The following FNTA variants were observed in gnomAD, a reference collection of about 807,000 sequenced individuals.
FNTA encodes farnesyltransferase, CAAX box, subunit alpha.
FNTA carries 27 observed loss-of-function variants against 55.2 expected under a neutral mutation model. The ratio of observed to expected loss-of-function variants is 0.49; its 90% confidence interval spans 0.36 to 0.67. The LOEUF is 0.67. Ranked by LOEUF, FNTA falls within the 30% of genes least tolerant of loss-of-function variation. The probability of loss-of-function intolerance (pLI) is 0.00; values close to 1 mark genes in which losing one functional copy is unlikely to be tolerated. For synonymous variants in FNTA, 176 were observed against 170.7 expected, an observed-to-expected ratio of 1.03 and a Z score of -0.24; for missense variants, 422 against 464.7, an observed-to-expected ratio of 0.91 and a Z score of 0.85.
chr8:43,063,558 G>C (rs1032698358), intron 2 of FNTA, among the ~76,000 whole-genome samples: 1 of 152,028 alleles, frequency 6.6e-6, no homozygotes, highest in African/African-American at 2.4e-5. Context: ...ATGGGATCTC[G>C]TTTGCATAAA....
At chr8:43,060,694 T>C (rs1268150593) in intron 2 of FNTA, among the ~76,000 whole-genome samples, 1 of 138,296 alleles carries the variant, frequency 7.2e-6, no homozygotes, top group South Asian at 2.3e-4. Context: ...AAAAAAAAAA[T>C]TAACTTTGTG....
intron 3 of FNTA, among the ~76,000 whole-genome samples, chr8:43,066,763 T>C (rs1291791253): frequency 6.6e-6 from 1 of 152,162 alleles, no homozygotes; most frequent in Non-Finnish European, 1.5e-5. Context: ...GTGGCAGGAT[T>C]TGTCAGCTGA....
Position 43,072,269 on chromosome 8 carries a change from A to G in FNTA, c.595A>G (p.Asn199Asp). 6.3e-7 allele frequency: 1 copy of G among 1,594,510 alleles called. No homozygotes were observed. Among genetic ancestry groups the G allele is most frequent in the East Asian group, 2.3e-5 (1 of 43,692 alleles). The part of the protein sequence containing the change: ...IADILNQDAK[N>D]YHAWQHRQWV... ...TGATATTCTTAATCAGGATGCAAAG[A>G]ATTATCATGCCTGGCAGCATCGACA... The change falls in exon 5 of 9, where the codon AAT becomes GAT. Residue 199 changes from asparagine to aspartate, a missense_variant. Coordinates refer to ENST00000302279, the MANE Select transcript of FNTA (RefSeq NM_002027.3).
chr8:43,063,606 A>G (rs1440491388), intron 2 of FNTA, among the ~76,000 whole-genome samples: 1 of 152,206 alleles, frequency 6.6e-6, no homozygotes, highest in Non-Finnish European at 1.5e-5. Flanking sequence ...TTGTAGATGC[A>G]TAGACTATAT....
At position 43,072,539 on chromosome 8, in the gene FNTA, A is replaced by G. The variant is rs188251434; in HGVS notation, c.633+232A>G. Among the ~76,000 whole-genome samples the G allele has an allele frequency of 8.2e-4, 125 of 152,166 alleles. 1 individual carries two copies. The highest frequency in any genetic ancestry group is 2.2e-3 in the Admixed American group (34 of 15,288). On this transcript the variant is annotated intron_variant, in intron 5 of 8. Transcript: ENST00000302279. ...CCAGGAGTTTGAGATCAGCCTGGGC[A>G]ACAAAGTGAGACCCCCGTCTCTACA... is the stretch of plus-strand genomic sequence containing the variant.
intron 1 of FNTA, chr8:43,057,108 CTCTT>C (rs1265626414): frequency 5.3e-5 from 8 of 152,226 alleles, no homozygotes; most frequent in Non-Finnish European, 1.2e-4. Flanking sequence ...TACTGAACCT[CTCTT>C]AAGTCTCCCT....
chr8:43,060,107 G>T (rs1810496866), intron 2 of FNTA, among the ~76,000 whole-genome samples: 1 of 152,152 alleles, frequency 6.6e-6, no homozygotes, highest in Admixed American at 6.6e-5. Flanking sequence ...AACGTATTAG[G>T]CAAGATGTAA....
chr8:43,073,300 A>C (rs1810836718), intron 5 of FNTA, among the ~76,000 whole-genome samples: 1 of 152,226 alleles, frequency 6.6e-6, no homozygotes, highest in East Asian at 1.9e-4. Flanking sequence ...CATCTTCCAC[A>C]ATAGATTAAG....
At chr8:43,077,845 C>T (rs1810945728) in intron 6 of FNTA, 1 of 152,284 alleles carries the variant, frequency 6.6e-6, no homozygotes, top group African/African-American at 2.4e-5. Flanking sequence ...GAGAACCGCT[C>T]TATACAAAGA....
intron 4 of FNTA, among the ~76,000 whole-genome samples, chr8:43,070,703 A>G (rs942881367): frequency 7.9e-5 from 12 of 152,362 alleles, no homozygotes; most frequent in African/African-American, 2.2e-4. Context: ...GTACATTTCT[A>G]ATTATCCGCT....
intron 8 of FNTA, 92 bp from the exon 9 acceptor site, chr8:43,085,068 G>T: frequency 8.2e-7 from 1 of 1,218,238 alleles, no homozygotes; most frequent in South Asian, 1.5e-5. Flanking sequence ...GTCTTCATTT[G>T]AATGTGATTT....
At chr8:43,083,672 G>C (rs1811067689) in intron 7 of FNTA, among the ~76,000 whole-genome samples, 1 of 152,194 alleles carries the variant, frequency 6.6e-6, no homozygotes, top group Non-Finnish European at 1.5e-5. Flanking sequence ...GGTCTTCAAG[G>C]AAACTAGGCT....
In FNTA at chr8:43,059,073, G is replaced by C; in HGVS notation, c.201-19G>C. The stretch of plus-strand genomic sequence containing the variant: ...CTGTATTTGAATGTAACCACTGGTT[G>C]GGGAATGTCTGTTTTCAGGGACAGA... On this transcript the variant is annotated intron_variant, in intron 1 of 8. Coordinates refer to ENST00000302279, the MANE Select transcript of FNTA (RefSeq NM_002027.3). 1 of 1,592,782 alleles carries C rather than the reference G, an allele frequency of 6.3e-7. No homozygotes were observed. The highest frequency in any genetic ancestry group is 1.1e-5 in the South Asian group (1 of 89,686).
At chr8:43,058,280 T>A (rs918081446) in intron 1 of FNTA, among the ~76,000 whole-genome samples, 1 of 152,206 alleles carries the variant, frequency 6.6e-6, no homozygotes, top group Non-Finnish European at 1.5e-5. Context: ...CTCCAGCCAA[T>A]GTTACGACTT....
intron 3 of FNTA, among the ~76,000 whole-genome samples, chr8:43,068,024 C>T (rs1050503860): frequency 2.0e-5 from 3 of 152,168 alleles, no homozygotes; most frequent in Non-Finnish European, 4.4e-5. Flanking sequence ...CTCAGTCTCC[C>T]GAGTAGCTGG....
chr8:43,084,846 G>A lies in FNTA; in HGVS notation c.982G>A (p.Asp328Asn), dbSNP rs139144868. ...TGAAGACATGCTAGAAAATCAGTGT[G>A]ACAATAAGGAAGACATTCTTAATAA... ...IYEDMLENQC[D>N]NKEDILNKAL... Residue 328 changes from aspartate to asparagine, a missense_variant, in exon 8 of 9, where the codon GAC becomes AAC. Transcript: ENST00000302279. 653 of 1,613,818 alleles carry A rather than the reference G, an allele frequency of 4.0e-4. 2 individuals are homozygous for A. Among genetic ancestry groups the A allele is most frequent in the Non-Finnish European group, 7.6e-5 (90 of 1,179,924 alleles).
chr8:43,060,630 A>G (rs928727046), intron 2 of FNTA, among the ~76,000 whole-genome samples: 20 of 151,592 alleles, frequency 1.3e-4, no homozygotes, highest in African/African-American at 4.9e-4. Flanking sequence ...AGCCACGATC[A>G]CGCCATTGCA....
At chr8:43,061,200 C>G (rs1810521421) in intron 2 of FNTA, among the ~76,000 whole-genome samples, 1 of 152,204 alleles carries the variant, frequency 6.6e-6, no homozygotes, top group Non-Finnish European at 1.5e-5. Flanking sequence ...GGAAAATGCA[C>G]TTATCTTACA....
rs1810737788 is a variant in FNTA at position 43,069,539 on chromosome 8, T to C, written c.402-16T>C. Reference sequence around the variant, plus strand: ...TGTGTAATAATGCGACTTTGGATGTTGTATGTTTGCCCTAGGCATTTCCGG... The same window carrying C: ...TGTGTAATAATGCGACTTTGGATGTCGTATGTTTGCCCTAGGCATTTCCGG... On this transcript the variant is annotated splice_polypyrimidine_tract_variant and intron_variant, in intron 3 of 8. Coordinates refer to ENST00000302279, the MANE Select transcript of FNTA (RefSeq NM_002027.3). 2.0e-6 allele frequency: 3 copies of C among 1,518,186 alleles called. No homozygotes were observed. The highest frequency in any genetic ancestry group is 1.4e-5 in the African/African-American group (1 of 72,932). 94.0% of individuals were successfully genotyped at this position (1,518,186 alleles called of 1,614,324 possible). A position where few individuals can be genotyped will look rare whatever the true frequency, so the allele number is the denominator to read the frequency against.
Sources: gnomAD v4.1 joint callset for allele counts (sites outside exome capture counted in the v4.1 genomes callset) on GRCh38, gnomAD v4.1.1 for gene constraint, MANE v1.5 for transcripts, NCBI Gene and HGNC (gene_info 2026-07-23, HGNC 2026-07-21) for gene names.